The following NIM1K variants were observed in gnomAD, a reference collection of about 807,000 sequenced individuals.
NIM1K encodes NIM1 serine/threonine protein kinase, also known as serine/threonine-protein kinase NIM1.
In NIM1K, 35 loss-of-function variants were observed where a neutral mutation model predicts 37.1. The ratio of observed to expected loss-of-function variants is 0.94; its 90% CI spans 0.72 to 1.25. NIM1K has a LOEUF of 1.25. NIM1K is among the 50% of genes most tolerant of loss of function. NIM1K has a pLI of 0.00. For synonymous variants in NIM1K, 234 were observed against 206.6 expected (o/e 1.13, Z -1.14); for missense variants, 564 against 548.0 (o/e 1.03, Z -0.29).
chr5:43,271,303 A>G (rs778424656), intron 2 of NIM1K, among the ~76,000 whole-genome samples: 34 of 151,904 alleles, frequency 2.2e-4, no homozygotes, highest in Admixed American at 6.6e-4. Flanking sequence ...TCTTCTTTCA[A>G]TTCTTCAAAG....
intron 1 of NIM1K, among the ~76,000 whole-genome samples, chr5:43,212,510 C>T (rs918676638): frequency 5.9e-5 from 9 of 151,606 alleles, no homozygotes; most frequent in South Asian, 2.1e-4. Context: ...TCAGCACCGT[C>T]GTCATGAGGC....
intron 3 of NIM1K, among the ~76,000 whole-genome samples, chr5:43,278,112 C>T (rs1162145506): frequency 6.7e-6 from 1 of 148,342 alleles, no homozygotes; most frequent in Non-Finnish European, 1.5e-5. Context: ...GTGGCATGAT[C>T]TTGGCTCACT....
intron 1 of NIM1K, among the ~76,000 whole-genome samples, chr5:43,235,312 A>G (rs1168245274): frequency 6.6e-6 from 1 of 152,262 alleles, no homozygotes. Context: ...TCTTCACATA[A>G]CAAGTACATT....
chr5:43,230,440 C>T (rs762171700), intron 1 of NIM1K, among the ~76,000 whole-genome samples: 4 of 151,960 alleles, frequency 2.6e-5, no homozygotes, highest in Non-Finnish European at 5.9e-5. Flanking sequence ...GTGCTCACAG[C>T]CCATGACTGG....
chr5:43,204,562 G>A lies in NIM1K; in HGVS notation c.-695+12151G>A, dbSNP rs564675785. 1.9e-3 allele frequency among the ~76,000 whole-genome samples: 295 copies of A among 151,694 alleles called. 2 individuals are homozygous for A. Among genetic ancestry groups the A allele is most frequent in the Non-Finnish European group, 3.5e-3 (239 of 67,900 alleles). On this transcript the variant is annotated intron_variant, in intron 1 of 3. Coordinates refer to ENST00000326035, the MANE Select transcript of NIM1K (RefSeq NM_153361.4). The stretch of plus-strand genomic sequence containing the variant: ...ACTAAAAAAATACAAAAAATTAGGC[G>A]GGCATGGTGGTGGGTGCCTGTAACC...
At chr5:43,205,742 T>C (rs1313891574) in intron 1 of NIM1K, among the ~76,000 whole-genome samples, 1 of 152,206 alleles carries the variant, frequency 6.6e-6, no homozygotes, top group African/African-American at 2.4e-5. Flanking sequence ...AGACGGAGTC[T>C]TGCTCTGTTG....
At chr5:43,240,631 C>T (rs186520070) in intron 1 of NIM1K, among the ~76,000 whole-genome samples, 1 of 151,490 alleles carries the variant, frequency 6.6e-6, no homozygotes, top group East Asian at 1.9e-4. Context: ...GCAACCTCCG[C>T]CTCCTGGGCT....
chr5:43,240,545 CTTT>C (rs56934664), intron 1 of NIM1K, among the ~76,000 whole-genome samples: 1 of 136,756 alleles, frequency 7.3e-6, no homozygotes, highest in Non-Finnish European at 1.6e-5. Context: ...CTTTCTTACA[CTTT>C]TTTTTTTTTT....
intron 2 of NIM1K, among the ~76,000 whole-genome samples, chr5:43,254,561 T>G (rs567697525): frequency 1.9e-4 from 29 of 152,324 alleles, no homozygotes; most frequent in African/African-American, 6.7e-4. Flanking sequence ...GTGAGTTAAG[T>G]TAGTATAACT....
At chr5:43,252,122 A>C (rs78891437) in intron 2 of NIM1K, among the ~76,000 whole-genome samples, 6 of 147,768 alleles carry the variant, frequency 4.1e-5, no homozygotes, top group East Asian at 2.0e-4. Context: ...GTGAAAGGAC[A>C]AAAAAAAAAG....
At chr5:43,195,694 AC>A in intron 1 of NIM1K, among the ~76,000 whole-genome samples, 2 of 151,000 alleles carry the variant, frequency 1.3e-5, no homozygotes, top group Admixed American at 1.3e-4. Context: ...ATTTCAGCTA[AC>A]CACTTGGAAA....
chr5:43,250,232 AT>A (rs34231523), intron 2 of NIM1K, among the ~76,000 whole-genome samples: 8,970 of 152,066 alleles, frequency 0.059, 379 homozygotes, highest in Non-Finnish European at 0.084. Flanking sequence ...TTAAATATAG[AT>A]TTTTAAAATA....
At chr5:43,228,936 A>T (rs1259146299) in intron 1 of NIM1K, among the ~76,000 whole-genome samples, 1 of 152,220 alleles carries the variant, frequency 6.6e-6, no homozygotes, top group Non-Finnish European at 1.5e-5. Context: ...CTTCAAACCA[A>T]TGAAATTTAG....
intron 2 of NIM1K, among the ~76,000 whole-genome samples, chr5:43,270,013 A>G (rs1753231324): frequency 6.6e-6 from 1 of 152,206 alleles, no homozygotes; most frequent in South Asian, 2.1e-4. Context: ...AAGATTTAGA[A>G]GTCCTTTTAG....
chr5:43,251,373 A>G (rs1561087439), intron 2 of NIM1K, among the ~76,000 whole-genome samples: 1 of 152,222 alleles, frequency 6.6e-6, no homozygotes, highest in Admixed American at 6.5e-5. Flanking sequence ...ATTCAGTGCT[A>G]TTTAAGGCTG....
chr5:43,276,368 A>G (rs1753340648), intron 2 of NIM1K, among the ~76,000 whole-genome samples: 1 of 152,214 alleles, frequency 6.6e-6, no homozygotes, highest in African/African-American at 2.4e-5. Context: ...AACATGCCAC[A>G]AGATCCCATC....
At chr5:43,258,370 G>A (rs758552094) in intron 2 of NIM1K, among the ~76,000 whole-genome samples, 3 of 151,618 alleles carry the variant, frequency 2.0e-5, no homozygotes, top group Non-Finnish European at 4.4e-5. Flanking sequence ...GATGTGACTA[G>A]TTTCTAGTTT....
rs183184310 is a variant in NIM1K, at chr5:43,274,898, A to G, written c.293-2159A>G. 1.8e-3 allele frequency among the ~76,000 whole-genome samples: 268 copies of G among 152,332 alleles called. 1 individual carries two copies. The highest frequency in any genetic ancestry group is 6.1e-3 in the African/African-American group (254 of 41,576). The stretch of plus-strand genomic sequence containing the variant: ...TATTTTGTAAGTAGGTCAAACAGGT[A>G]CTTTGGGATCCTGTTCTGTCTGTTT... On this transcript the variant is annotated intron_variant, in intron 2 of 3. Coordinates refer to ENST00000326035, the MANE Select transcript of NIM1K (RefSeq NM_153361.4).
intron 1 of NIM1K, among the ~76,000 whole-genome samples, chr5:43,211,633 G>A (rs1752206248): frequency 6.6e-6 from 1 of 152,192 alleles, no homozygotes; most frequent in South Asian, 2.1e-4. Context: ...CAAATATAGG[G>A]CATATGGAGG....
Sources: allele counts gnomAD v4.1 joint callset (sites outside exome capture counted in the v4.1 genomes callset), GRCh38; gene constraint gnomAD v4.1.1; transcripts MANE v1.5; gene names NCBI Gene and HGNC (gene_info 2026-07-23, HGNC 2026-07-21).